Variants in FCGR2A observed in about 807,000 individuals in gnomAD.
FCGR2A encodes the protein Fc gamma receptor IIa.
FCGR2A carries 18 observed loss-of-function variants against 29.3 expected under a neutral mutation model. The ratio of observed to expected loss-of-function variants is 0.62; its 90% CI spans 0.43 to 0.91. FCGR2A has a LOEUF of 0.91. FCGR2A is among the 40% of genes least tolerant of loss of function. The probability of loss-of-function intolerance (pLI) is 0.00; values close to 1 mark genes in which losing one functional copy is unlikely to be tolerated. For synonymous variants in FCGR2A, 126 were observed against 144.8 expected, an observed-to-expected ratio of 0.87 and a Z score of 0.93; for missense variants, 287 against 393.0, an observed-to-expected ratio of 0.73 and a Z score of 2.28.
At chr1:161,523,960 C>T (rs762847889), downstream of FCGR2A, 16 of 153,824 alleles carry the variant, frequency 1.0e-4, no homozygotes, top group South Asian at 8.1e-4. Context: ...TTAAAGCTCA[C>T]TATCTCTGGC....
chr1:161,508,961 C>T (rs4656308), intron 3 of FCGR2A, among the ~76,000 whole-genome samples: 126,068 of 152,192 alleles, frequency 0.83, 52,867 homozygotes, highest in African/African-American at 0.96. Context: ...ATGCAGGGTA[C>T]AGTATGGTCT....
At chr1:161,505,716 C>T (rs1675342974) in intron 1 of FCGR2A, 164 bp downstream of exon 1, 1 of 724,026 alleles carries the variant, frequency 1.4e-6, no homozygotes, top group Admixed American at 2.1e-5. Flanking sequence ...TTCCTAAGGT[C>T]AGAACTCAGA....
At chr1:161,506,619 C>T (rs1411866512) in intron 3 of FCGR2A, 28 bp downstream of exon 3, 2 of 1,613,372 alleles carry the variant, frequency 1.2e-6, no homozygotes, top group Non-Finnish European at 1.7e-6. Flanking sequence ...CCAGGGTGGA[C>T]CTGGGAGGGC....
At chr1:161,515,818 A>C (rs1304947817) in intron 6 of FCGR2A, among the ~76,000 whole-genome samples, 2 of 152,208 alleles carry the variant, frequency 1.3e-5, no homozygotes. Context: ...AAAAGCCATG[A>C]ATTTCTGTTT....
chr1:161,515,325 G>C (rs1465238857), intron 6 of FCGR2A, among the ~76,000 whole-genome samples: 2 of 152,192 alleles, frequency 1.3e-5, no homozygotes, highest in Non-Finnish European at 2.9e-5. Context: ...TAAAAAATTA[G>C]ATCCTCAAAT....
downstream of FCGR2A, chr1:161,523,845 A>AGC (rs1557842289): frequency 2.2e-4 from 34 of 152,186 alleles, no homozygotes; most frequent in Admixed American, 1.7e-3. Context: ...AAAAAATGAA[A>AGC]GTGCATTGGC....
chr1:161,517,555 G>C (rs1336268304), intron 6 of FCGR2A, among the ~76,000 whole-genome samples: 5 of 152,294 alleles, frequency 3.3e-5, no homozygotes, highest in Middle Eastern at 6.8e-3. Flanking sequence ...TCTTTTGTAA[G>C]GATGCCAATT....
At chr1:161,508,753 G>C (rs1268367087) in intron 3 of FCGR2A, among the ~76,000 whole-genome samples, 3 of 152,032 alleles carry the variant, frequency 2.0e-5, no homozygotes, top group African/African-American at 4.8e-5. Context: ...GCTGAATTTT[G>C]GAATCTGATT....
chr1:161,517,684 A>G (rs401429), intron 6 of FCGR2A, among the ~76,000 whole-genome samples: 9 of 151,818 alleles, frequency 5.9e-5, no homozygotes, highest in Admixed American at 2.6e-4. Context: ...AAACTTTATC[A>G]TGGGTGATTC....
At chr1:161,509,463 C>T (rs1675621316) in intron 3 of FCGR2A, among the ~76,000 whole-genome samples, 1 of 151,988 alleles carries the variant, frequency 6.6e-6, no homozygotes, top group African/African-American at 2.4e-5. Context: ...CAAAATTTAC[C>T]ATTAAATTAG....
chr1:161,520,637 A>C (rs1429813265), downstream of FCGR2A, among the ~76,000 whole-genome samples: 2 of 150,760 alleles, frequency 1.3e-5, no homozygotes, highest in African/African-American at 4.9e-5. Flanking sequence ...TTCTACTCCT[A>C]CCACCCTGGT....
At chr1:161,522,800 C>T (rs1409998185), downstream of FCGR2A, 1 of 152,102 alleles carries the variant, frequency 6.6e-6, no homozygotes, top group Non-Finnish European at 1.5e-5. Context: ...ACCAGTACGG[C>T]TGATCCTCTC....
chr1:161,522,861 C>G (rs1344229206), downstream of FCGR2A: 1 of 152,072 alleles, frequency 6.6e-6, no homozygotes, highest in East Asian at 1.9e-4. Context: ...AGACGATTAA[C>G]CAAGGAACCC....
At chr1:161,520,016 A>G (rs1676389115), downstream of FCGR2A, 1 of 151,738 alleles carries the variant, frequency 6.6e-6, no homozygotes, top group Non-Finnish European at 1.5e-5. Flanking sequence ...AGAGCCTTCC[A>G]TTTTCCTGGG....
intron 3 of FCGR2A, among the ~76,000 whole-genome samples, chr1:161,508,984 G>T (rs147524246): frequency 6.6e-6 from 1 of 151,580 alleles, no homozygotes; most frequent in African/African-American, 2.4e-5. Flanking sequence ...ATGTTTCTGT[G>T]CCCCCAAAAT....
At chr1:161,511,952 C>A (rs184674774) in intron 5 of FCGR2A, among the ~76,000 whole-genome samples, 1 of 152,130 alleles carries the variant, frequency 6.6e-6, no homozygotes, top group Non-Finnish European at 1.5e-5. Context: ...GGGGGATGGC[C>A]AGGGCTCAAA....
chr1:161,523,945 G>A (rs368281528), downstream of FCGR2A: 8 of 152,612 alleles, frequency 5.2e-5, no homozygotes, highest in East Asian at 1.9e-4. Flanking sequence ...CTGCAGTATT[G>A]TCTCTTAAAG....
At chr1:161,507,238 TC>T (rs1158507614) in intron 3 of FCGR2A, among the ~76,000 whole-genome samples, 1 of 150,136 alleles carries the variant, frequency 6.7e-6, no homozygotes, top group African/African-American at 2.4e-5. Flanking sequence ...CTTTTTTTTT[TC>T]CCCCAAGTAG....
downstream of FCGR2A, among the ~76,000 whole-genome samples, chr1:161,521,734 CTT>C: frequency 6.6e-6 from 1 of 152,004 alleles, no homozygotes; most frequent in East Asian, 1.9e-4. Flanking sequence ...TCTCTCTTCT[CTT>C]GTTTGCCACC....
Sources: gnomAD v4.1 joint callset for allele counts (sites outside exome capture counted in the v4.1 genomes callset) on GRCh38, gnomAD v4.1.1 for gene constraint, MANE v1.5 for transcripts, NCBI Gene and HGNC (gene_info 2026-07-23, HGNC 2026-07-21) for gene names.